Variants in RYK observed in about 807,000 individuals in gnomAD.
RYK encodes the protein inactive tyrosine-protein kinase RYK.
A neutral mutation model predicts 70.2 loss-of-function variants in RYK; 21 were observed. The ratio of observed to expected loss-of-function variants is 0.30; its 90% confidence interval spans 0.21 to 0.43. RYK has a LOEUF of 0.43. RYK is among the 20% of genes least tolerant of loss of function. The probability of loss-of-function intolerance (pLI) is 1.00; values close to 1 mark genes in which losing one functional copy is unlikely to be tolerated. For missense variants in RYK, 604 were observed against 753.3 expected (o/e 0.80, Z 2.32); for synonymous variants, 267 against 278.0 (o/e 0.96, Z 0.39).
chr3:134,249,916 C>CTTTTT (rs1559770716), intron 1 of RYK, among the ~76,000 whole-genome samples: 3 of 86,554 alleles, frequency 3.5e-5, no homozygotes, highest in African/African-American at 2.4e-4. Context: ...CTTTCTCTCT[C>CTTTTT]GTTTTTTTTT....
chr3:134,218,648 A>G (rs1183674949), intron 2 of RYK, among the ~76,000 whole-genome samples: 1 of 152,212 alleles, frequency 6.6e-6, no homozygotes, highest in Admixed American at 6.5e-5. Context: ...CTGGCTAGAT[A>G]GGAGGCAGAA....
chr3:134,167,635 A>G (rs944619423), intron 13 of RYK, among the ~76,000 whole-genome samples: 4 of 152,248 alleles, frequency 2.6e-5, no homozygotes, highest in African/African-American at 9.6e-5. Flanking sequence ...AAGATGGATT[A>G]AAGACTTAAA....
intron 2 of RYK, among the ~76,000 whole-genome samples, chr3:134,214,287 C>G (rs1350944305): frequency 6.6e-6 from 1 of 152,184 alleles, no homozygotes; most frequent in African/African-American, 2.4e-5. Context: ...AAATGCCATT[C>G]TATCAAAGAT....
intron 6 of RYK, among the ~76,000 whole-genome samples, chr3:134,196,695 C>G (rs747834239): frequency 7.3e-5 from 11 of 151,672 alleles, no homozygotes; most frequent in Middle Eastern, 3.4e-3. Flanking sequence ...ATACACAAAT[C>G]TGAAAAATGT....
At chr3:134,206,142 G>A (rs549287791) in intron 5 of RYK, among the ~76,000 whole-genome samples, 13 of 152,136 alleles carry the variant, frequency 8.5e-5, no homozygotes, top group African/African-American at 2.4e-4. Flanking sequence ...GCAAGTAGAC[G>A]ATATGTCACA....
intron 6 of RYK, among the ~76,000 whole-genome samples, chr3:134,197,316 T>G (rs1217010960): frequency 6.6e-6 from 1 of 152,198 alleles, no homozygotes; most frequent in Non-Finnish European, 1.5e-5. Flanking sequence ...AAGTCAGAAC[T>G]GCCAGTATCA....
rs181459172 is a variant in RYK, at chr3:134,248,673, C to G, written c.232+1750G>C. Among the ~76,000 whole-genome samples, 341 of 152,042 alleles carry G rather than the reference C, an allele frequency of 2.2e-3. 2 individuals are homozygous for G. The highest frequency in any genetic ancestry group is 6.8e-3 in the African/African-American group (282 of 41,466). ...CTCTACTAAAAATACAAAAAATAGC[C>G]AGAAGTGGTCGCTACTTGGGAGGCT... On this transcript the variant is annotated intron_variant, in intron 1 of 14. Transcript: ENST00000623711.
In RYK at chr3:134,157,989, A is replaced by T. The variant is rs2012308237; in HGVS notation, c.*164T>A. ...ATCTAGAAAATATGCCACATTATTA[A>T]GTCTGTCTTAAAAAGTTCAGATTCT... On this transcript the variant is annotated 3_prime_UTR_variant, in exon 15 of 15. Coordinates refer to ENST00000623711, the MANE Select transcript of RYK (RefSeq NM_002958.4). The T allele has an allele frequency of 7.5e-6, 3 of 401,876 alleles. No individual in the cohort carries two copies. The highest frequency in any genetic ancestry group is 1.3e-5 in the Non-Finnish European group (3 of 228,108). The allele number at this position is 401,876 out of a possible 1,614,324, so 24.9% of individuals were successfully genotyped here.
At position 134,158,153 on chromosome 3, in the gene RYK, T is replaced by A; in HGVS notation, c.1824A>T (p.Ter608CysextTer18). 6.9e-7 allele frequency: 1 copy of A among 1,452,754 alleles called. No homozygotes were observed. The highest frequency in any genetic ancestry group is 9.2e-7 in the Non-Finnish European group (1 of 1,089,812). The allele number at this position is 1,452,754 out of a possible 1,614,324, so 90.0% of individuals were successfully genotyped here. A position where few individuals can be genotyped will look rare whatever the true frequency, so the allele number is the denominator to read the frequency against. The change falls in exon 15 of 15, where the codon TGA becomes TGT. Residue 608 changes from the stop codon to cysteine (C), a stop_lost. Transcript: ENST00000623711. ...CTGATGGTGTGGGATTGGAGAGGAG[T>A]CAGACGTAGGCCCCCAGGGCTGCAT... ...EFHAALGAYV[*>C]
At chr3:134,204,136 T>C (rs922659515) in intron 5 of RYK, among the ~76,000 whole-genome samples, 1 of 152,192 alleles carries the variant, frequency 6.6e-6, no homozygotes, top group Non-Finnish European at 1.5e-5. Context: ...AGAAATTGTT[T>C]TGCTTTTCTG....
intron 10 of RYK, 114 bp downstream of exon 10, chr3:134,182,888 A>T: frequency 1.8e-6 from 1 of 542,220 alleles, no homozygotes; most frequent in Non-Finnish European, 3.1e-6. Flanking sequence ...AAAAAAAATT[A>T]AGCTATTCCA....
At chr3:134,241,958 C>G (rs1224436010) in intron 1 of RYK, among the ~76,000 whole-genome samples, 1 of 152,180 alleles carries the variant, frequency 6.6e-6, no homozygotes, top group Non-Finnish European at 1.5e-5. Context: ...TACAGGTGAT[C>G]CCTAACTAGA....
At chr3:134,172,936 T>C (rs1157614041) in intron 13 of RYK, among the ~76,000 whole-genome samples, 1 of 152,192 alleles carries the variant, frequency 6.6e-6, no homozygotes, top group Non-Finnish European at 1.5e-5. Flanking sequence ...GTGGACAACA[T>C]GAAACAGGTT....
chr3:134,200,135 G>A (rs144561048), intron 6 of RYK, among the ~76,000 whole-genome samples: 2,857 of 152,068 alleles, frequency 0.019, 99 homozygotes, highest in African/African-American at 0.066. Context: ...AGCCAGCAGC[G>A]GCAACCTGCT....
chr3:134,239,097 G>A (rs1576537317), intron 1 of RYK, among the ~76,000 whole-genome samples: 1 of 152,128 alleles, frequency 6.6e-6, no homozygotes, highest in East Asian at 1.9e-4. Context: ...TATGGAAGTC[G>A]ACATGGGAGG....
intron 1 of RYK, among the ~76,000 whole-genome samples, chr3:134,224,262 T>A (rs545843289): frequency 1.8e-4 from 27 of 152,186 alleles, no homozygotes; most frequent in African/African-American, 6.3e-4. Flanking sequence ...TCATCTCCAA[T>A]GATAGGTAAG....
chr3:134,194,735 C>G (rs2013760324), intron 7 of RYK, among the ~76,000 whole-genome samples: 1 of 152,184 alleles, frequency 6.6e-6, no homozygotes, highest in African/African-American at 2.4e-5. Flanking sequence ...AGTCTAAAGT[C>G]TCTGTCTTTA....
intron 1 of RYK, among the ~76,000 whole-genome samples, chr3:134,244,553 C>T (rs527395871): frequency 2.0e-5 from 3 of 152,192 alleles, no homozygotes; most frequent in African/African-American, 7.2e-5. Flanking sequence ...GAAATGAATG[C>T]CTACATTGCA....
chr3:134,186,056 A>G (rs886526688), intron 9 of RYK, among the ~76,000 whole-genome samples: 2 of 152,228 alleles, frequency 1.3e-5, no homozygotes, highest in Non-Finnish European at 2.9e-5. Context: ...ATATATTCTA[A>G]AAGTTACAAG....
Sources: gnomAD v4.1 joint callset for allele counts (sites outside exome capture counted in the v4.1 genomes callset) on GRCh38, gnomAD v4.1.1 for gene constraint, MANE v1.5 for transcripts, NCBI Gene and HGNC (gene_info 2026-07-23, HGNC 2026-07-21) for gene names.